The following SLC25A21 variants were observed in gnomAD, a reference collection of about 807,000 sequenced individuals.
SLC25A21 encodes solute carrier family 25 member 21.
In SLC25A21, 47 loss-of-function variants were observed where a neutral mutation model predicts 43.8. The ratio of observed to expected loss-of-function variants is 1.07; its 90% CI spans 0.85 to 1.37. The LOEUF (loss-of-function observed/expected upper bound fraction) is 1.37, where lower values mean the gene tolerates loss of function less well. SLC25A21 is among the 40% of genes most tolerant of loss of function. The pLI is 0.00. For synonymous variants in SLC25A21, 131 were observed against 121.3 expected (o/e 1.08, Z -0.52); for missense variants, 352 against 350.2 (o/e 1.00, Z -0.04).
chr14:37,141,976 C>T (rs765005031), intron 1 of SLC25A21, among the ~76,000 whole-genome samples: 17 of 152,074 alleles, frequency 1.1e-4, no homozygotes, highest in Non-Finnish European at 1.6e-4. Flanking sequence ...GTGTGGGTTG[C>T]GACAGTGGCC....
chr14:37,116,437 G>C (rs12100470), intron 1 of SLC25A21, among the ~76,000 whole-genome samples: 1 of 152,070 alleles, frequency 6.6e-6, no homozygotes, highest in African/African-American at 2.4e-5. Context: ...CATTACATTT[G>C]AAGTCCTTGG....
intron 1 of SLC25A21, among the ~76,000 whole-genome samples, chr14:37,029,253 T>C (rs1961156810): frequency 6.6e-6 from 1 of 152,194 alleles, no homozygotes; most frequent in African/African-American, 2.4e-5. Flanking sequence ...TTAATGTAAA[T>C]GCTACTAACT....
intron 1 of SLC25A21, among the ~76,000 whole-genome samples, chr14:36,957,608 G>A (rs1400934388): frequency 6.6e-6 from 1 of 152,182 alleles, no homozygotes; most frequent in Non-Finnish European, 1.5e-5. Context: ...CAACTGCAAT[G>A]AAAATGACAT....
intron 2 of SLC25A21, among the ~76,000 whole-genome samples, chr14:36,862,889 T>C (rs189059643): frequency 1.9e-4 from 29 of 152,314 alleles, no homozygotes; most frequent in Admixed American, 1.7e-3. Context: ...TATTAAATTA[T>C]AGTAACACGC....
chr14:36,766,906 T>A (rs1314456497), intron 3 of SLC25A21, among the ~76,000 whole-genome samples: 1 of 152,222 alleles, frequency 6.6e-6, no homozygotes, highest in East Asian at 1.9e-4. Flanking sequence ...GCACAATATG[T>A]GGCAGGCAGT....
chr14:36,984,111 C>A (rs796830185), intron 1 of SLC25A21, among the ~76,000 whole-genome samples: 8 of 152,232 alleles, frequency 5.3e-5, no homozygotes, highest in African/African-American at 1.9e-4. Context: ...TAAACCTGCA[C>A]GTGTATCCCC....
At chr14:36,810,531 C>G (rs1888203954) in intron 3 of SLC25A21, among the ~76,000 whole-genome samples, 1 of 152,106 alleles carries the variant, frequency 6.6e-6, no homozygotes, top group Non-Finnish European at 1.5e-5. Flanking sequence ...TACCACATCA[C>G]CAGAGTAATA....
intron 1 of SLC25A21, among the ~76,000 whole-genome samples, chr14:36,954,423 G>A (rs901152190): frequency 3.1e-4 from 47 of 151,756 alleles, no homozygotes; most frequent in African/African-American, 9.4e-4. Flanking sequence ...ACTTCCCAAC[G>A]TCCTTGCTGA....
At chr14:37,141,267 C>T (rs1405626809) in intron 1 of SLC25A21, among the ~76,000 whole-genome samples, 1 of 152,102 alleles carries the variant, frequency 6.6e-6, no homozygotes, top group Non-Finnish European at 1.5e-5. Context: ...AAACTTTAGC[C>T]TTCCCAGTCC....
chr14:37,008,249 C>T (rs994794506), intron 1 of SLC25A21, among the ~76,000 whole-genome samples: 12 of 152,274 alleles, frequency 7.9e-5, no homozygotes, highest in East Asian at 1.9e-4. Context: ...TTCCAGGCTT[C>T]TTCTTAATCT....
intron 3 of SLC25A21, chr14:36,807,199 G>A (rs550405640): frequency 6.6e-6 from 1 of 152,228 alleles, no homozygotes; most frequent in Admixed American, 6.5e-5. Flanking sequence ...GATCTCATCT[G>A]AGCGAAGACT....
At chr14:37,002,659 T>C (rs1322130856) in intron 1 of SLC25A21, among the ~76,000 whole-genome samples, 1 of 152,026 alleles carries the variant, frequency 6.6e-6, no homozygotes, top group Non-Finnish European at 1.5e-5. Flanking sequence ...AAGAAGAAAA[T>C]TGAGAACTGT....
intron 1 of SLC25A21, among the ~76,000 whole-genome samples, chr14:37,000,430 A>C (rs1405763727): frequency 1.3e-5 from 2 of 152,026 alleles, no homozygotes; most frequent in Non-Finnish European, 2.9e-5. Context: ...TTTCCACCAA[A>C]CTCAGAATTC....
At chr14:36,774,862 T>C (rs1257834899) in intron 3 of SLC25A21, among the ~76,000 whole-genome samples, 1 of 152,192 alleles carries the variant, frequency 6.6e-6, no homozygotes, top group Non-Finnish European at 1.5e-5. Flanking sequence ...TTGTGTTGTG[T>C]CAATTCTCTT....
chr14:36,903,094 A>G (rs1891438320), intron 1 of SLC25A21, among the ~76,000 whole-genome samples: 1 of 152,222 alleles, frequency 6.6e-6, no homozygotes, highest in Non-Finnish European at 1.5e-5. Flanking sequence ...TTGAGAACCA[A>G]TTTAAACAGA....
chr14:36,980,870 C>T (rs2145131), intron 1 of SLC25A21, among the ~76,000 whole-genome samples: 53,187 of 152,094 alleles, frequency 0.35, 12,334 homozygotes, highest in African/African-American at 0.67. Context: ...AGCTTCTGCA[C>T]AGCAAAAGAA....
At chr14:36,903,635 A>G (rs1039510955) in intron 1 of SLC25A21, among the ~76,000 whole-genome samples, 2 of 149,508 alleles carry the variant, frequency 1.3e-5, no homozygotes, top group East Asian at 4.0e-4. Context: ...AAAAAAAAAA[A>G]AAAAAAAATT....
chr14:36,752,948 T>G (rs1885765008), intron 3 of SLC25A21, among the ~76,000 whole-genome samples: 1 of 152,206 alleles, frequency 6.6e-6, no homozygotes, highest in Non-Finnish European at 1.5e-5. Context: ...TAAGTCAATA[T>G]ATAACCCAGT....
chr14:37,116,065 A>ATT (rs749843631), intron 1 of SLC25A21, among the ~76,000 whole-genome samples: 1 of 152,206 alleles, frequency 6.6e-6, no homozygotes, highest in Non-Finnish European at 1.5e-5. Flanking sequence ...AAGGATAAGA[A>ATT]AACTCAAAGA....
Sources: gnomAD v4.1 joint callset for allele counts (sites outside exome capture counted in the v4.1 genomes callset) on GRCh38, gnomAD v4.1.1 for gene constraint, MANE v1.5 for transcripts, NCBI Gene and HGNC (gene_info 2026-07-23, HGNC 2026-07-21) for gene names.